Variants in RARB observed in about 807,000 individuals in gnomAD.
The protein encoded by RARB is retinoic acid receptor beta.
Under a neutral mutation model 51.9 loss-of-function variants are expected in RARB, and 17 were observed. That is an observed-to-expected ratio of 0.33 (90% confidence interval 0.22 to 0.49). The LOEUF is 0.49. RARB is among the 20% of genes least tolerant of loss of function. The pLI, the probability that RARB is intolerant of heterozygous loss-of-function variation, is 0.99. For synonymous variants in RARB, 215 were observed against 195.4 expected (o/e 1.10, Z -0.84); for missense variants, 369 against 550.8 (o/e 0.67, Z 3.30).
chr3:24,961,655 A>C (rs941971482), intron 2 of RARB, among the ~76,000 whole-genome samples: 1 of 152,218 alleles, frequency 6.6e-6, no homozygotes, highest in African/African-American at 2.4e-5. Flanking sequence ...CTGACGGTCC[A>C]GTTATCTCAG....
chr3:25,532,821 A>G (rs2125645577), intron 3 of RARB, among the ~76,000 whole-genome samples: 1 of 152,330 alleles, frequency 6.6e-6, no homozygotes, highest in African/African-American at 2.4e-5. Flanking sequence ...AGATGAGAGA[A>G]TTCCTCCCAG....
chr3:25,085,563 T>C lies in RARB; in HGVS notation c.-328+25387T>C, dbSNP rs190227698. 4.6e-5 allele frequency among the ~76,000 whole-genome samples: 7 copies of C among 152,296 alleles called. No homozygotes were observed. The East Asian group carries it at 1.2e-3, about 25-fold the overall frequency. On this transcript the variant is annotated intron_variant, in intron 3 of 11. Coordinates refer to the RARB transcript ENST00000383772. ...CATCTGGCCCCTGTCAATTTTTCTTTATACCATATCCAATTCAATTCATTT... is the reference window on the plus strand; with the variant it reads ...CATCTGGCCCCTGTCAATTTTTCTTCATACCATATCCAATTCAATTCATTT...
intron 5 of RARB, among the ~76,000 whole-genome samples, chr3:25,203,764 C>G (rs959383282): frequency 6.6e-6 from 1 of 152,216 alleles, no homozygotes; most frequent in Non-Finnish European, 1.5e-5. Context: ...TTGGCCCCCA[C>G]TCTCTTCTGG....
chr3:25,304,313 A>G (rs1704107937), intron 5 of RARB, among the ~76,000 whole-genome samples: 1 of 152,060 alleles, frequency 6.6e-6, no homozygotes, highest in Non-Finnish European at 1.5e-5. Flanking sequence ...CCATTTCCAC[A>G]TCTTTGCCCA....
At chr3:25,327,804 A>G (rs909301654) in intron 5 of RARB, among the ~76,000 whole-genome samples, 25 of 152,242 alleles carry the variant, frequency 1.6e-4, no homozygotes, top group African/African-American at 4.6e-4. Flanking sequence ...CAAACAATGT[A>G]ATTGGTATAT....
intron 3 of RARB, among the ~76,000 whole-genome samples, chr3:25,530,405 G>C (rs1296805443): frequency 6.6e-6 from 1 of 152,198 alleles, no homozygotes; most frequent in Non-Finnish European, 1.5e-5. Flanking sequence ...CTATCTTGTA[G>C]TTCTGGAGGT....
At chr3:25,477,871 A>G (rs1696034097) in intron 2 of RARB, among the ~76,000 whole-genome samples, 1 of 152,188 alleles carries the variant, frequency 6.6e-6, no homozygotes, top group South Asian at 2.1e-4. Flanking sequence ...GCTTCCTGCT[A>G]TCTGGGGCCC....
intron 5 of RARB, among the ~76,000 whole-genome samples, chr3:25,240,348 G>C (rs1350166444): frequency 1.3e-5 from 2 of 152,060 alleles, no homozygotes; most frequent in Non-Finnish European, 2.9e-5. Context: ...GCTGTGACTA[G>C]GACTTCCAGT....
chr3:25,174,626 G>A, intron 5 of RARB: 1 of 1,331,466 alleles, frequency 7.5e-7, no homozygotes, highest in South Asian at 1.1e-5. Flanking sequence ...TTGGATGAAG[G>A]GACCTGAGAA....
intron 2 of RARB, among the ~76,000 whole-genome samples, chr3:24,890,699 G>A (rs902592289): frequency 1.3e-5 from 2 of 152,198 alleles, no homozygotes; most frequent in African/African-American, 4.8e-5. Context: ...TAGACATATG[G>A]AATGGTACAA....
intron 2 of RARB, among the ~76,000 whole-genome samples, chr3:24,918,648 C>T (rs557463886): frequency 2.8e-4 from 42 of 152,216 alleles, no homozygotes; most frequent in Middle Eastern, 3.4e-3. Context: ...TTTGGGAGGC[C>T]GAGGTGGGCA....
intron 5 of RARB, among the ~76,000 whole-genome samples, chr3:25,245,502 GT>G (rs1284719830): frequency 6.6e-6 from 1 of 152,132 alleles, no homozygotes; most frequent in African/African-American, 2.4e-5. Context: ...AGGCCTGGTG[GT>G]GACAAAATCC....
At chr3:25,363,435 T>G (rs1471416153) in intron 5 of RARB, among the ~76,000 whole-genome samples, 1 of 152,184 alleles carries the variant, frequency 6.6e-6, no homozygotes, top group Non-Finnish European at 1.5e-5. Flanking sequence ...CCTGAAAACC[T>G]TCTTTCCTAC....
chr3:25,188,770 G>T (rs1172836216), intron 5 of RARB, among the ~76,000 whole-genome samples: 2 of 151,880 alleles, frequency 1.3e-5, no homozygotes, highest in South Asian at 2.1e-4. Flanking sequence ...ATAATATGAG[G>T]TATTTCTTGA....
In RARB at chr3:25,321,793, T is replaced by C. The variant is rs143833666; in HGVS notation, c.179-139400T>C. 5.1e-3 allele frequency among the ~76,000 whole-genome samples: 771 copies of C among 151,826 alleles called. 5 individuals carry two copies. Among genetic ancestry groups the C allele is most frequent in the Middle Eastern group, 0.027 (8 of 292 alleles). ...AATGCAAAGAGACCTTGCTCTTTGG[T>C]AGAAAGCTCAGTGTTGTGAAGTTGT... On this transcript the variant is annotated intron_variant, in intron 5 of 11. Transcript: ENST00000383772.
chr3:24,997,057 T>A (rs1470302969), intron 2 of RARB, among the ~76,000 whole-genome samples: 1 of 152,154 alleles, frequency 6.6e-6, no homozygotes, highest in Non-Finnish European at 1.5e-5. Flanking sequence ...AGTGGGATAT[T>A]GAGTTCTCCA....
chr3:25,515,736 A>C (rs1698132266), intron 3 of RARB, among the ~76,000 whole-genome samples: 1 of 152,196 alleles, frequency 6.6e-6, no homozygotes, highest in Non-Finnish European at 1.5e-5. Context: ...TAATGAGAAG[A>C]ATGGTGGTTA....
chr3:25,441,977 C>T (rs904299032), intron 1 of RARB, among the ~76,000 whole-genome samples: 3 of 152,116 alleles, frequency 2.0e-5, no homozygotes, highest in Admixed American at 2.0e-4. Context: ...AATAGAACTT[C>T]CTACAATGAA....
rs148083315 is a variant in RARB, at chr3:24,932,339, G to T, written c.-380+73587G>T. ...CCCAGCACCAGAATGGGGGATCTGGGAAAATCTGGTACTATGATATGAATG... is the reference window on the plus strand; with the variant it reads ...CCCAGCACCAGAATGGGGGATCTGGTAAAATCTGGTACTATGATATGAATG... On this transcript the variant is annotated intron_variant, in intron 2 of 11. Coordinates refer to the RARB transcript ENST00000383772. Among the ~76,000 whole-genome samples the T allele has an allele frequency of 1.9e-3, 291 of 151,916 alleles. 1 individual carries two copies. The highest frequency in any genetic ancestry group is 6.2e-3 in the African/African-American group (256 of 41,442).
Sources: allele counts gnomAD v4.1 joint callset (sites outside exome capture counted in the v4.1 genomes callset), GRCh38; gene constraint gnomAD v4.1.1; transcripts MANE v1.5; gene names NCBI Gene and HGNC (gene_info 2026-07-23, HGNC 2026-07-21).